STK3: variants seen among roughly 807,000 people sequenced by gnomAD.
STK3 encodes the protein serine/threonine kinase 3, also known as serine/threonine-protein kinase 3.
In STK3, 41 loss-of-function variants were observed where a neutral mutation model predicts 58.0. The ratio of observed to expected loss-of-function variants is 0.71; its 90% CI spans 0.55 to 0.92. STK3 has a LOEUF of 0.92. Among genes scored for constraint, STK3 ranks in the 40% least tolerant of loss-of-function variants. The pLI, the probability that STK3 is intolerant of heterozygous loss-of-function variation, is 0.00. For synonymous variants in STK3, 170 were observed against 191.0 expected, an observed-to-expected ratio of 0.89 and a Z score of 0.91; for missense variants, 479 against 602.7, an observed-to-expected ratio of 0.79 and a Z score of 2.15.
downstream of STK3, among the ~76,000 whole-genome samples, chr8:98,449,774 A>T (rs1281114370): frequency 6.6e-6 from 1 of 152,214 alleles, no homozygotes; most frequent in African/African-American, 2.4e-5. Flanking sequence ...GGATGTTAAA[A>T]TAGATTAATG....
intron 10 of STK3, among the ~76,000 whole-genome samples, chr8:98,506,964 C>T (rs182902678): frequency 5.9e-4 from 90 of 152,302 alleles, no homozygotes; most frequent in Non-Finnish European, 9.3e-4. Flanking sequence ...CAACACATTT[C>T]TACTGTTTTA....
At chr8:98,906,871 G>A (rs1027053711) in intron 1 of STK3, among the ~76,000 whole-genome samples, 2 of 152,060 alleles carry the variant, frequency 1.3e-5, no homozygotes, top group Non-Finnish European at 2.9e-5. Flanking sequence ...TTACAGGCTG[G>A]GTGTGGAGGC....
intron 8 of STK3, among the ~76,000 whole-genome samples, chr8:98,551,057 C>G (rs1354406604): frequency 1.3e-5 from 2 of 152,116 alleles, no homozygotes; most frequent in Non-Finnish European, 2.9e-5. Flanking sequence ...TTAACTGAAT[C>G]TCTTTGCCAT....
chr8:98,397,075 T>C (rs1817903239), downstream of STK3, among the ~76,000 whole-genome samples: 1 of 152,218 alleles, frequency 6.6e-6, no homozygotes, highest in South Asian at 2.1e-4. Context: ...TCCACACTTT[T>C]AACCAGAGTG....
chr8:98,644,267 G>T (rs576945356), intron 6 of STK3, among the ~76,000 whole-genome samples: 8 of 152,114 alleles, frequency 5.3e-5, no homozygotes, highest in Non-Finnish European at 1.0e-4. Context: ...ATCAGTGTTT[G>T]ACTTTAAAAG....
At chr8:98,390,423 A>G (rs2131012001), upstream of STK3, among the ~76,000 whole-genome samples, 1 of 152,236 alleles carries the variant, frequency 6.6e-6, no homozygotes, top group African/African-American at 2.4e-5. Context: ...TATAAGTAGT[A>G]TGTTGTTTTT....
chr8:98,764,167 G>A (rs140351221), intron 3 of STK3, among the ~76,000 whole-genome samples: 1 of 152,172 alleles, frequency 6.6e-6, no homozygotes, highest in African/African-American at 2.4e-5. Context: ...TACCTACTAT[G>A]TGCAAGGCAT....
chr8:98,777,616 C>T (rs983116162), intron 1 of STK3, among the ~76,000 whole-genome samples: 1 of 152,184 alleles, frequency 6.6e-6, no homozygotes, highest in Non-Finnish European at 1.5e-5. Flanking sequence ...CGGAAGACAA[C>T]ATGGTGTGAT....
At chr8:98,388,700 C>T (rs1817817615), upstream of STK3, among the ~76,000 whole-genome samples, 1 of 152,118 alleles carries the variant, frequency 6.6e-6, no homozygotes, top group South Asian at 2.1e-4. Flanking sequence ...GAGGACTTAC[C>T]AACTAAATTC....
downstream of STK3, among the ~76,000 whole-genome samples, chr8:98,453,830 C>A (rs552792429): frequency 1.3e-5 from 2 of 151,998 alleles, no homozygotes; most frequent in African/African-American, 4.8e-5. Flanking sequence ...CATTTGATTC[C>A]ATCAAATCAG....
At chr8:98,614,897 ATTGCCCGG>A (rs1009378887) in intron 6 of STK3, among the ~76,000 whole-genome samples, 1 of 152,188 alleles carries the variant, frequency 6.6e-6, no homozygotes, top group African/African-American at 2.4e-5. Flanking sequence ...GGAGCCCGCC[ATTGCCCGG>A]GCTTGCTTAG....
chr8:98,761,126 CT>C (rs71572022), intron 3 of STK3, among the ~76,000 whole-genome samples: 33,937 of 140,266 alleles, frequency 0.24, 4,415 homozygotes, highest in East Asian at 0.43. Context: ...GTGACTTTTT[CT>C]TTTTTTTTTT....
Position 98,719,161 on chromosome 8 carries a change from A to AGGT in STK3, c.352-11853_352-11851dup, listed in dbSNP as rs1235107187. 3.3e-5 allele frequency among the ~76,000 whole-genome samples: 5 copies of AGGT among 152,258 alleles called. No individual in the cohort carries two copies. In the East Asian group the frequency reaches 9.7e-4, roughly 29 times the overall value. ...AATGGACCACTACAGACGGTGGGCA[A>AGGT]GGTGGTGGTGCTGTCATGTGCACCT... is the stretch of plus-strand genomic sequence containing the variant. On this transcript the variant is annotated intron_variant, in intron 4 of 10. Transcript: ENST00000419617.
intron 10 of STK3, among the ~76,000 whole-genome samples, chr8:98,521,748 T>C (rs2131456968): frequency 6.6e-6 from 1 of 152,308 alleles, no homozygotes; most frequent in Middle Eastern, 3.4e-3. Context: ...ACACAGATTA[T>C]GCTTTCCTAC....
chr8:98,643,781 GAAGGAT>G (rs1240521719), intron 6 of STK3, among the ~76,000 whole-genome samples: 1 of 152,084 alleles, frequency 6.6e-6, no homozygotes, highest in Non-Finnish European at 1.5e-5. Context: ...GAGGCCAAAG[GAAGGAT>G]AGCTTGTGCC....
chr8:98,372,413 G>A (rs1197511035), intron 2 of STK3, among the ~76,000 whole-genome samples: 1 of 152,158 alleles, frequency 6.6e-6, no homozygotes, highest in Non-Finnish European at 1.5e-5. Flanking sequence ...GGACGCCACA[G>A]CTCCCCGGCC....
intron 6 of STK3, among the ~76,000 whole-genome samples, chr8:98,637,338 T>C (rs1479906448): frequency 6.6e-6 from 1 of 152,142 alleles, no homozygotes; most frequent in Non-Finnish European, 1.5e-5. Context: ...TGCAGGTCAC[T>C]TGCTTTTTAC....
chr8:98,558,074 C>T (rs762845161), intron 8 of STK3, among the ~76,000 whole-genome samples: 4 of 152,018 alleles, frequency 2.6e-5, no homozygotes, highest in Non-Finnish European at 4.4e-5. Flanking sequence ...CAACCTTAAC[C>T]GTGACATTTC....
At chr8:98,733,974 G>C (rs909284838) in intron 4 of STK3, among the ~76,000 whole-genome samples, 3 of 152,148 alleles carry the variant, frequency 2.0e-5, no homozygotes, top group African/African-American at 7.2e-5. Context: ...GGCATGGCTG[G>C]GGAGGCCATG....
Sources: allele counts gnomAD v4.1 joint callset (sites outside exome capture counted in the v4.1 genomes callset), GRCh38; gene constraint gnomAD v4.1.1; transcripts MANE v1.5; gene names NCBI Gene and HGNC (gene_info 2026-07-23, HGNC 2026-07-21).